TMEM135: variants seen among roughly 807,000 people sequenced by gnomAD.
TMEM135 encodes peroxisomal membrane protein 52.
TMEM135 carries 30 observed loss-of-function variants against 60.3 expected under a neutral mutation model. The ratio of observed to expected loss-of-function variants is 0.50; its 90% CI spans 0.37 to 0.68. The LOEUF is 0.68. Ranked by LOEUF, TMEM135 falls within the 30% of genes least tolerant of loss-of-function variation. The pLI is 0.00. For missense variants in TMEM135, 468 were observed against 548.8 expected, an observed-to-expected ratio of 0.85 and a Z score of 1.47; for synonymous variants, 190 against 186.7, an observed-to-expected ratio of 1.02 and a Z score of -0.14.
At chr11:87,045,134 A>G (rs963493857) in intron 1 of TMEM135, among the ~76,000 whole-genome samples, 3 of 150,306 alleles carry the variant, frequency 2.0e-5, no homozygotes, top group Non-Finnish European at 4.4e-5. Flanking sequence ...GGTTCATGCA[A>G]TTCTCCTGCC....
At chr11:87,197,511 C>T (rs1341804174) in intron 5 of TMEM135, among the ~76,000 whole-genome samples, 1 of 152,012 alleles carries the variant, frequency 6.6e-6, no homozygotes, top group East Asian at 1.9e-4. Flanking sequence ...AGAATTGTGT[C>T]TGAAGTTACT....
chr11:87,155,460 G>T (rs1390927371), intron 4 of TMEM135, among the ~76,000 whole-genome samples: 3 of 152,176 alleles, frequency 2.0e-5, no homozygotes. Flanking sequence ...TTTGTATATG[G>T]TAGAGGTAAA....
chr11:87,163,323 T>G (rs890998050), intron 5 of TMEM135, among the ~76,000 whole-genome samples: 11 of 145,660 alleles, frequency 7.6e-5, no homozygotes, highest in Middle Eastern at 3.4e-3. Flanking sequence ...TTACTGAGAA[T>G]GATGATTTCC....
intron 6 of TMEM135, among the ~76,000 whole-genome samples, chr11:87,241,272 T>C (rs1042184611): frequency 1.3e-5 from 2 of 152,132 alleles, no homozygotes; most frequent in Non-Finnish European, 2.9e-5. Flanking sequence ...TAAAAAACTT[T>C]TGATCTTGGC....
In TMEM135 at chr11:87,244,448, C is replaced by G. The variant is rs564186813; in HGVS notation, c.509+7764C>G. Reference sequence around the variant, plus strand: ...ATGGTACCAGTTCCTCCTTGTACCTCTGGTAGAATTCGGCTGTGAATCCAT... The same window carrying G: ...ATGGTACCAGTTCCTCCTTGTACCTGTGGTAGAATTCGGCTGTGAATCCAT... On this transcript the variant is annotated intron_variant, in intron 6 of 14. Coordinates refer to ENST00000305494, the MANE Select transcript of TMEM135 (RefSeq NM_022918.4). Among the ~76,000 whole-genome samples the G allele has an allele frequency of 2.4e-3, 227 of 94,224 alleles. 23 individuals are homozygous for G. Among genetic ancestry groups the G allele is most frequent in the South Asian group, 5.6e-3 (16 of 2,864 alleles). The allele number at this position is 94,224 out of a possible 152,430, so 61.8% of individuals were successfully genotyped here.
intron 6 of TMEM135, among the ~76,000 whole-genome samples, chr11:87,268,091 T>A (rs1235410474): frequency 1.3e-5 from 2 of 151,812 alleles, no homozygotes; most frequent in Non-Finnish European, 2.9e-5. Flanking sequence ...GGAGATTAAG[T>A]ACCTACTCTT....
At chr11:87,216,236 T>C (rs1403547928) in intron 5 of TMEM135, among the ~76,000 whole-genome samples, 2 of 152,132 alleles carry the variant, frequency 1.3e-5, no homozygotes, top group African/African-American at 2.4e-5. Context: ...ATCCCTTAGC[T>C]TGTATTGCCA....
At chr11:87,064,976 A>G (rs769951035) in intron 1 of TMEM135, among the ~76,000 whole-genome samples, 1 of 152,004 alleles carries the variant, frequency 6.6e-6, no homozygotes, top group Non-Finnish European at 1.5e-5. Flanking sequence ...CCCACTCAGT[A>G]TAATTCTGTG....
In TMEM135 at chr11:87,233,154, A is replaced by G. The variant is rs150016268; in HGVS notation, c.463-3484A>G. Among the ~76,000 whole-genome samples the G allele has an allele frequency of 6.2e-4, 94 of 152,310 alleles. 1 individual carries two copies. The highest frequency in any genetic ancestry group is 2.1e-3 in the African/African-American group (88 of 41,576). On this transcript the variant is annotated intron_variant, in intron 5 of 14. Transcript: ENST00000305494. The stretch of plus-strand genomic sequence containing the variant: ...GACAGAGTGAGAGTCCGTCTCAAAA[A>G]ACAAAGCAAAACAGAACAAAAACTC...
chr11:87,298,786 CAAAA>C (rs59740138), intron 7 of TMEM135, among the ~76,000 whole-genome samples: 2 of 57,714 alleles, frequency 3.5e-5, no homozygotes, highest in South Asian at 8.8e-4. Context: ...GACTCTGTCT[CAAAA>C]AAAAAAAAAA....
At chr11:87,272,665 G>A (rs1358034675) in intron 6 of TMEM135, among the ~76,000 whole-genome samples, 1 of 151,882 alleles carries the variant, frequency 6.6e-6, no homozygotes, top group African/African-American at 2.4e-5. Context: ...GTCTTGCTCT[G>A]TTGCTGGGCT....
At chr11:87,279,255 A>G (rs1337706597) in intron 6 of TMEM135, among the ~76,000 whole-genome samples, 1 of 151,996 alleles carries the variant, frequency 6.6e-6, no homozygotes, top group East Asian at 1.9e-4. Context: ...CATCTTTTAG[A>G]TCATGGTGTT....
intron 3 of TMEM135, among the ~76,000 whole-genome samples, chr11:87,078,209 AG>A (rs909984886): frequency 6.6e-6 from 1 of 152,228 alleles, no homozygotes; most frequent in African/African-American, 2.4e-5. Flanking sequence ...CAGTATATAA[AG>A]GGTCCAATTT....
chr11:87,100,936 G>A (rs879283389), intron 4 of TMEM135, among the ~76,000 whole-genome samples: 1 of 152,236 alleles, frequency 6.6e-6, no homozygotes, highest in Middle Eastern at 3.4e-3. Flanking sequence ...TAGACCATTA[G>A]TTTATAGCCT....
chr11:87,152,192 T>C (rs911926400), intron 4 of TMEM135, among the ~76,000 whole-genome samples: 1 of 152,218 alleles, frequency 6.6e-6, no homozygotes, highest in Non-Finnish European at 1.5e-5. Context: ...AGTTACTCTC[T>C]TGTTCATGCT....
chr11:87,130,765 G>A (rs1937903336), intron 4 of TMEM135, among the ~76,000 whole-genome samples: 1 of 152,120 alleles, frequency 6.6e-6, no homozygotes, highest in Non-Finnish European at 1.5e-5. Context: ...GCCTCCCAAA[G>A]TGCTGGGTTT....
At position 87,321,520 on chromosome 11, in the gene TMEM135, T is replaced by TA; in HGVS notation, c.*189dup. Reference sequence around the variant, plus strand: ...TTTTAGGAAGATGTTGCTTAATAATTAAGCTTCCTCCATAGCCAGAATAAG... The same window carrying TA: ...TTTTAGGAAGATGTTGCTTAATAATTAAAGCTTCCTCCATAGCCAGAATAAG... On this transcript the variant is annotated 3_prime_UTR_variant, in exon 15 of 15. Coordinates refer to ENST00000305494, the MANE Select transcript of TMEM135 (RefSeq NM_022918.4). 2 of 717,472 alleles carry TA rather than the reference T, an allele frequency of 2.8e-6. No homozygotes were observed. The highest frequency in any genetic ancestry group is 5.0e-6 in the Non-Finnish European group (2 of 403,392). 44.4% of individuals were successfully genotyped at this position (717,472 alleles called of 1,614,324 possible).
At chr11:87,101,857 C>T (rs999347130) in intron 4 of TMEM135, among the ~76,000 whole-genome samples, 1 of 152,082 alleles carries the variant, frequency 6.6e-6, no homozygotes, top group Non-Finnish European at 1.5e-5. Context: ...CCTGTAATCC[C>T]AGCTACTCGG....
intron 5 of TMEM135, among the ~76,000 whole-genome samples, chr11:87,168,415 C>G (rs1939128962): frequency 6.6e-6 from 1 of 152,106 alleles, no homozygotes; most frequent in Admixed American, 6.6e-5. Flanking sequence ...GATTTTAGAT[C>G]TTTCCCACGT....
Sources: gnomAD v4.1 joint callset for allele counts (sites outside exome capture counted in the v4.1 genomes callset) on GRCh38, gnomAD v4.1.1 for gene constraint, MANE v1.5 for transcripts, NCBI Gene and HGNC (gene_info 2026-07-23, HGNC 2026-07-21) for gene names.